IGF2BP3: variants seen among roughly 807,000 people sequenced by gnomAD.
IGF2BP3 encodes insulin like growth factor 2 mRNA binding protein 3, also known as insulin-like growth factor 2 mRNA-binding protein 3.
Under a neutral mutation model 73.8 loss-of-function variants are expected in IGF2BP3, and 9 were observed. That is an observed-to-expected ratio of 0.12 (90% CI 0.07 to 0.21). The LOEUF is 0.21. Among genes scored for constraint, IGF2BP3 ranks in the 10% least tolerant of loss-of-function variants. IGF2BP3 has a pLI of 1.00. For missense variants in IGF2BP3, 542 were observed against 714.0 expected (o/e 0.76, Z 2.75); for synonymous variants, 258 against 256.7 (o/e 1.01, Z -0.05).
intron 10 of IGF2BP3, among the ~76,000 whole-genome samples, chr7:23,340,870 G>T (rs1255196469): frequency 7.5e-6 from 1 of 132,938 alleles, no homozygotes; most frequent in African/African-American, 2.9e-5. Flanking sequence ...TTTTTTCCCA[G>T]ACAGAGTTTC....
At chr7:23,324,248 G>A (rs1031350715) in intron 10 of IGF2BP3, among the ~76,000 whole-genome samples, 2,837 of 150,372 alleles carry the variant, frequency 0.019, 85 homozygotes, top group African/African-American at 0.065. Flanking sequence ...TATCACCACC[G>A]ATCCCACAGA....
chr7:23,438,202 C>G (rs1461002775), intron 2 of IGF2BP3, among the ~76,000 whole-genome samples: 1 of 152,220 alleles, frequency 6.6e-6, no homozygotes, highest in Admixed American at 6.5e-5. Context: ...TCACTGCAAC[C>G]TCCACCTCCC....
At chr7:23,325,709 T>G (rs1784276000) in intron 10 of IGF2BP3, among the ~76,000 whole-genome samples, 1 of 152,216 alleles carries the variant, frequency 6.6e-6, no homozygotes, top group Admixed American at 6.5e-5. Context: ...AGCATGGGAC[T>G]GGTACCAAAA....
At chr7:23,447,948 C>G (rs975529347) in intron 2 of IGF2BP3, among the ~76,000 whole-genome samples, 34 of 152,038 alleles carry the variant, frequency 2.2e-4, no homozygotes, top group African/African-American at 7.5e-4. Flanking sequence ...GCACTGCTCT[C>G]CAGCCTGAGT....
chr7:23,466,068 C>G (rs949391738), intron 2 of IGF2BP3, among the ~76,000 whole-genome samples: 10 of 149,844 alleles, frequency 6.7e-5, no homozygotes, highest in Non-Finnish European at 7.4e-5. Context: ...CTTGTTCAGG[C>G]TGGAGTGAAG....
intron 3 of IGF2BP3, among the ~76,000 whole-genome samples, chr7:23,412,827 C>G (rs1035642861): frequency 8.0e-6 from 1 of 124,858 alleles, no homozygotes; most frequent in Non-Finnish European, 1.6e-5. Flanking sequence ...GAAATCCTTT[C>G]CTTAAGACTC....
chr7:23,349,568 G>A (rs1457027353), intron 6 of IGF2BP3, among the ~76,000 whole-genome samples: 4 of 152,096 alleles, frequency 2.6e-5, no homozygotes, highest in Admixed American at 2.0e-4. Flanking sequence ...GGATTACTAA[G>A]CTCCGATCCC....
At chr7:23,322,546 A>G (rs998124434) in intron 10 of IGF2BP3, among the ~76,000 whole-genome samples, 12 of 152,210 alleles carry the variant, frequency 7.9e-5, no homozygotes, top group African/African-American at 1.2e-4. Context: ...GCAGGCCAAC[A>G]TTCAGATTCA....
intron 3 of IGF2BP3, among the ~76,000 whole-genome samples, chr7:23,389,142 A>G (rs1786186789): frequency 6.7e-6 from 1 of 149,734 alleles, no homozygotes; most frequent in Non-Finnish European, 1.5e-5. Context: ...ATCAGAACAA[A>G]AGTGAGAATT....
chr7:23,437,035 C>T (rs1354977708), intron 2 of IGF2BP3, among the ~76,000 whole-genome samples: 2 of 151,988 alleles, frequency 1.3e-5, no homozygotes, highest in Admixed American at 6.6e-5. Flanking sequence ...AGGAGAATTG[C>T]TTGAACCCTG....
At chr7:23,441,281 C>A (rs1024601225) in intron 2 of IGF2BP3, among the ~76,000 whole-genome samples, 1 of 151,928 alleles carries the variant, frequency 6.6e-6, no homozygotes, top group African/African-American at 2.4e-5. Context: ...AAAATAAAGA[C>A]ACATATGTTA....
chr7:23,345,899 T>C (rs949727722), intron 8 of IGF2BP3, 41 bp downstream of exon 8: 3 of 1,600,728 alleles, frequency 1.9e-6, no homozygotes, highest in South Asian at 1.1e-5. Flanking sequence ...CAGCTTACAG[T>C]GTTGGAAAGT....
At chr7:23,320,233 A>G (rs2128493056) in intron 10 of IGF2BP3, among the ~76,000 whole-genome samples, 1 of 152,262 alleles carries the variant, frequency 6.6e-6, no homozygotes, top group Non-Finnish European at 1.5e-5. Flanking sequence ...TTATACATGA[A>G]AAAATTAGAA....
At chr7:23,345,815 C>T (rs1270257021) in intron 8 of IGF2BP3, 125 bp downstream of exon 8, 46 of 1,106,674 alleles carry the variant, frequency 4.2e-5, no homozygotes, top group Non-Finnish European at 5.5e-5. Flanking sequence ...ATTTGAGAAA[C>T]CATGTGTAAG....
chr7:23,350,346 A>G (rs750372471), intron 6 of IGF2BP3, among the ~76,000 whole-genome samples: 6 of 152,248 alleles, frequency 3.9e-5, no homozygotes, highest in Non-Finnish European at 7.3e-5. Flanking sequence ...CCACTTCTGT[A>G]GCTGGCTCAA....
chr7:23,330,187 G>A (rs1410111480), intron 10 of IGF2BP3, among the ~76,000 whole-genome samples: 1 of 152,048 alleles, frequency 6.6e-6, no homozygotes, highest in Non-Finnish European at 1.5e-5. Flanking sequence ...TCGAGAGGCT[G>A]AGGCAGGAGA....
intron 10 of IGF2BP3, among the ~76,000 whole-genome samples, chr7:23,322,159 G>A (rs1306811761): frequency 3.3e-5 from 5 of 152,226 alleles, no homozygotes; most frequent in Admixed American, 3.3e-4. Context: ...AGGCAAAGAA[G>A]TTGAAAACTT....
chr7:23,322,033 G>A (rs183144644), intron 10 of IGF2BP3, among the ~76,000 whole-genome samples: 155 of 152,306 alleles, frequency 1.0e-3, no homozygotes, highest in African/African-American at 3.6e-3. Flanking sequence ...TTCTCCAAAG[G>A]AACACAGTTC....
At chr7:23,459,065 A>G (rs915283554) in intron 2 of IGF2BP3, among the ~76,000 whole-genome samples, 1 of 152,230 alleles carries the variant, frequency 6.6e-6, no homozygotes, top group Non-Finnish European at 1.5e-5. Flanking sequence ...CTACTGTGCT[A>G]TCTCATTTTT....
Sources: allele counts gnomAD v4.1 joint callset (sites outside exome capture counted in the v4.1 genomes callset), GRCh38; gene constraint gnomAD v4.1.1; transcripts MANE v1.5; gene names NCBI Gene and HGNC (gene_info 2026-07-23, HGNC 2026-07-21).